Variants in KLF12 observed in about 807,000 individuals in gnomAD.
The protein encoded by KLF12 is Krueppel-like factor 12.
KLF12 carries 9 observed loss-of-function variants against 37.8 expected under a neutral mutation model. The observed-to-expected ratio is 0.24, with a 90% CI of 0.14 to 0.42. KLF12 has a LOEUF of 0.42. Among genes scored for constraint, KLF12 ranks in the 10% least tolerant of loss-of-function variants. The pLI, the probability that KLF12 is intolerant of heterozygous loss-of-function variation, is 1.00. For synonymous variants in KLF12, 208 were observed against 202.1 expected (o/e 1.03, Z -0.25); for missense variants, 411 against 516.0 (o/e 0.80, Z 1.97).
At chr13:74,244,940 A>G in the KLF12 span, among the ~76,000 whole-genome samples, 1 of 152,228 alleles carries the variant, frequency 6.6e-6, no homozygotes, top group Non-Finnish European at 1.5e-5. Context: ...AGCAACAAAC[A>G]TATGACTAAA....
intron 1 of KLF12, among the ~76,000 whole-genome samples, chr13:74,021,797 G>A (rs79493394): frequency 0.014 from 2,167 of 152,206 alleles, 39 homozygotes; most frequent in African/African-American, 0.049. Flanking sequence ...GGATTGATAA[G>A]CAAATTAAAT....
At chr13:74,257,256 C>G in the KLF12 span, 1 of 152,284 alleles carries the variant, frequency 6.6e-6, no homozygotes, top group Non-Finnish European at 1.5e-5. Context: ...CTGGTGCTGC[C>G]TTTCTGGGGA....
chr13:73,733,583 T>A (rs1380587798), intron 6 of KLF12, among the ~76,000 whole-genome samples: 1 of 152,178 alleles, frequency 6.6e-6, no homozygotes, highest in Non-Finnish European at 1.5e-5. Context: ...GGATGACAGA[T>A]GGGCATCTAG....
the KLF12 span, among the ~76,000 whole-genome samples, chr13:74,170,053 A>C: frequency 6.6e-6 from 1 of 152,268 alleles, no homozygotes; most frequent in Middle Eastern, 3.4e-3. Flanking sequence ...CTTATACAGC[A>C]CATAATTTTT....
In KLF12 at chr13:74,034,521, C is replaced by T. The variant is rs368377492; in HGVS notation, c.-31-39468G>A. Among the ~76,000 whole-genome samples, 8 of 152,162 alleles carry T rather than the reference C, an allele frequency of 5.3e-5. No individual in the cohort carries two copies. The East Asian group carries it at 7.7e-4, about 15-fold the overall frequency. ...ATGGTTTTTACCACTTTATAGTTCG[C>T]CATTTAAACTGACAAAACTTTTATT... On this transcript the variant is annotated intron_variant, in intron 1 of 7. Transcript: ENST00000377669.
At position 73,909,919 on chromosome 13, in the gene KLF12, T is replaced by C. The variant is rs142881318; in HGVS notation, c.123+34062A>G. Among the ~76,000 whole-genome samples, 7 of 152,286 alleles carry C rather than the reference T, an allele frequency of 4.6e-5. No homozygotes were observed. The East Asian group carries it at 1.3e-3, about 29-fold the overall frequency. Reference sequence around the variant, plus strand: ...ATTTTGTATATAATCACCCTGTACGTGTACATTTCTATATAATTTATAAAT... The same window carrying C: ...ATTTTGTATATAATCACCCTGTACGCGTACATTTCTATATAATTTATAAAT... On this transcript the variant is annotated intron_variant, in intron 3 of 7. Transcript: ENST00000377669.
intron 3 of KLF12, among the ~76,000 whole-genome samples, chr13:73,898,959 G>C (rs573790473): frequency 0.018 from 2,758 of 152,286 alleles, 90 homozygotes; most frequent in Admixed American, 0.083. Context: ...CCCTACAAAA[G>C]TTATCCAGCC....
intron 3 of KLF12, among the ~76,000 whole-genome samples, chr13:73,890,911 T>G (rs1887475623): frequency 6.6e-6 from 1 of 152,122 alleles, no homozygotes; most frequent in Non-Finnish European, 1.5e-5. Context: ...TTTTAAAGAA[T>G]AAGGTATTGG....
chr13:73,863,522 T>C (rs930297123), intron 3 of KLF12, among the ~76,000 whole-genome samples: 7 of 152,164 alleles, frequency 4.6e-5, no homozygotes, highest in African/African-American at 1.7e-4. Context: ...ACAAAATAGT[T>C]AAAATTAGTT....
chr13:74,146,580 T>TA, the KLF12 span, among the ~76,000 whole-genome samples: 2 of 152,196 alleles, frequency 1.3e-5, no homozygotes, highest in African/African-American at 4.8e-5. Flanking sequence ...TGTTTTCTTT[T>TA]AAAAAACAGT....
chr13:73,917,092 C>T (rs1888883729), intron 3 of KLF12, among the ~76,000 whole-genome samples: 1 of 152,124 alleles, frequency 6.6e-6, no homozygotes, highest in African/African-American at 2.4e-5. Flanking sequence ...CGAGCATCAC[C>T]AAAAATTCAC....
the KLF12 span, among the ~76,000 whole-genome samples, chr13:74,203,726 A>G: frequency 6.6e-6 from 1 of 152,134 alleles, no homozygotes; most frequent in Admixed American, 6.6e-5. Context: ...GAAATTAATT[A>G]TGTCAGGGAA....
intron 1 of KLF12, among the ~76,000 whole-genome samples, chr13:74,126,505 T>A (rs1258525755): frequency 1.3e-5 from 2 of 152,204 alleles, no homozygotes; most frequent in Non-Finnish European, 2.9e-5. Flanking sequence ...ATGCAGCACT[T>A]CCAATAAAGA....
At chr13:73,988,921 A>T (rs974837115) in intron 2 of KLF12, among the ~76,000 whole-genome samples, 2 of 152,318 alleles carry the variant, frequency 1.3e-5, no homozygotes, top group Admixed American at 1.3e-4. Context: ...AATTTTATGG[A>T]GTAGGAACTA....
At chr13:74,139,164 A>G in the KLF12 span, among the ~76,000 whole-genome samples, 27 of 152,324 alleles carry the variant, frequency 1.8e-4, no homozygotes, top group African/African-American at 5.5e-4. Context: ...ACCTGCGCCA[A>G]TGGGAGATAT....
At chr13:73,981,920 A>T (rs1334097963) in intron 2 of KLF12, among the ~76,000 whole-genome samples, 10 of 152,310 alleles carry the variant, frequency 6.6e-5, no homozygotes, top group African/African-American at 2.4e-4. Flanking sequence ...AGCAGCCCAG[A>T]CAGGCTAAGA....
chr13:73,772,267 G>C (rs1406386700), intron 5 of KLF12, among the ~76,000 whole-genome samples: 1 of 152,170 alleles, frequency 6.6e-6, no homozygotes, highest in East Asian at 1.9e-4. Flanking sequence ...GTGTGTTCCA[G>C]GCTCCTATGT....
chr13:73,972,033 C>G (rs988383576), intron 2 of KLF12, among the ~76,000 whole-genome samples: 29 of 152,092 alleles, frequency 1.9e-4, no homozygotes, highest in African/African-American at 7.0e-4. Context: ...TTAAATCAAA[C>G]CAAATGATAT....
intron 3 of KLF12, among the ~76,000 whole-genome samples, chr13:73,922,293 T>C (rs1182551702): frequency 6.6e-6 from 1 of 152,198 alleles, no homozygotes; most frequent in Non-Finnish European, 1.5e-5. Context: ...TTGTCTATGT[T>C]AGACATTCTA....
Sources: allele counts gnomAD v4.1 joint callset (sites outside exome capture counted in the v4.1 genomes callset), GRCh38; gene constraint gnomAD v4.1.1; transcripts MANE v1.5; gene names NCBI Gene and HGNC (gene_info 2026-07-23, HGNC 2026-07-21).